SLC18A1: variants seen among roughly 807,000 people sequenced by gnomAD.
SLC18A1 encodes solute carrier family 18 member A1, also known as chromaffin granule amine transporter.
Under a neutral mutation model 53.7 loss-of-function variants are expected in SLC18A1, and 69 were observed. That is an observed-to-expected ratio of 1.28 (90% CI 1.06 to 1.57). The LOEUF is 1.57. Ranked by LOEUF, SLC18A1 falls within the 40% of genes most tolerant of loss-of-function variation. The pLI, the probability that SLC18A1 is intolerant of heterozygous loss-of-function variation, is 0.00. For missense variants in SLC18A1, 932 were observed against 668.1 expected (o/e 1.40, Z -4.35); for synonymous variants, 320 against 248.1 (o/e 1.29, Z -2.72).
chr8:20,150,753 G>A lies in SLC18A1; in HGVS notation c.1016-9C>T. 6.2e-7 allele frequency: 1 copy of A among 1,612,768 alleles called. No homozygotes were observed. Among genetic ancestry groups the A allele is most frequent in the Admixed American group, 1.7e-5 (1 of 60,016 alleles). On this transcript the variant is annotated splice_polypyrimidine_tract_variant and intron_variant, in intron 10 of 15. Transcript: ENST00000276373. ...AGGCAAGAAAGCTAGACCTGTGGAA[G>A]GACACAGATCCTTACCTTAGGACAT...
intron 4 of SLC18A1, 30 bp from the exon 5 acceptor site, chr8:20,174,474 A>G (rs2072207902): frequency 6.5e-7 from 1 of 1,548,436 alleles, no homozygotes; most frequent in Admixed American, 1.7e-5. Context: ...AGATAACTGC[A>G]GTTAGCAAAT....
At chr8:20,176,681 G>C (rs2072261399) in intron 4 of SLC18A1, among the ~76,000 whole-genome samples, 1 of 152,064 alleles carries the variant, frequency 6.6e-6, no homozygotes, top group Admixed American at 6.6e-5. Flanking sequence ...ATTGGACAAG[G>C]ATACCCTAAA....
Position 20,145,466 on chromosome 8 carries a change from C to A in SLC18A1, c.*297G>T. 1 of 239,344 alleles carries A rather than the reference C, an allele frequency of 4.2e-6. No individual in the cohort carries two copies. The highest frequency in any genetic ancestry group is 9.0e-5 in the East Asian group (1 of 11,076). The allele number at this position is 239,344 out of a possible 1,614,324, so 14.8% of individuals were successfully genotyped here. A position where few individuals can be genotyped will look rare whatever the true frequency, so the allele number is the denominator to read the frequency against. ...TCACTACCACCTCTATGCAATGAGT[C>A]ACCCCTTGCAGAACCCGTCACAGCT... On this transcript the variant is annotated 3_prime_UTR_variant, in exon 16 of 16. Transcript: ENST00000276373.
At chr8:20,147,163 G>A (rs921174449) in intron 15 of SLC18A1, 95 bp downstream of exon 15, 1 of 1,339,114 alleles carries the variant, frequency 7.5e-7, no homozygotes, top group South Asian at 1.5e-5. Context: ...CAGAGCAATA[G>A]AGGGAGGAAA....
chr8:20,162,341 C>T (rs1266282816), intron 10 of SLC18A1, among the ~76,000 whole-genome samples: 1 of 152,226 alleles, frequency 6.6e-6, no homozygotes, highest in East Asian at 1.9e-4. Context: ...ACACTAATCA[C>T]TTTAGGTTGC....
intron 15 of SLC18A1, 46 bp downstream of exon 15, chr8:20,147,212 A>G (rs1428457829): frequency 6.4e-7 from 1 of 1,558,642 alleles, no homozygotes; most frequent in Non-Finnish European, 8.6e-7. Flanking sequence ...GAGATGATGG[A>G]AAGAAACAGA....
At chr8:20,173,214 T>C in intron 5 of SLC18A1, 86 bp from the exon 6 acceptor site, 2 of 916,918 alleles carry the variant, frequency 2.2e-6, no homozygotes, top group South Asian at 3.1e-5. Flanking sequence ...TGTTATCTCT[T>C]CAGTGACAAT....
chr8:20,159,739 G>A (rs2071776385), intron 10 of SLC18A1, among the ~76,000 whole-genome samples: 1 of 151,838 alleles, frequency 6.6e-6, no homozygotes, highest in Admixed American at 6.6e-5. Flanking sequence ...CCAGTTGTGA[G>A]GTTTAAACAA....
chr8:20,171,362 T>G, intron 7 of SLC18A1, 43 bp downstream of exon 7: 1 of 1,544,840 alleles, frequency 6.5e-7, no homozygotes, highest in Non-Finnish European at 9.0e-7. Flanking sequence ...ATTCCCAACC[T>G]GACCTGGGCT....
intron 10 of SLC18A1, among the ~76,000 whole-genome samples, chr8:20,151,149 TTTTTTTTTG>T (rs1563725619): frequency 4.7e-5 from 3 of 63,312 alleles, no homozygotes; most frequent in African/African-American, 1.1e-4. Flanking sequence ...TTTTTTTTGT[TTTTTTTTTG>T]TTTGTTTGTT....
At chr8:20,146,739 T>C (rs1193080085) in intron 15 of SLC18A1, among the ~76,000 whole-genome samples, 4 of 151,110 alleles carry the variant, frequency 2.6e-5, no homozygotes, top group Admixed American at 6.6e-5. Flanking sequence ...CAGGAGAATC[T>C]CTTGAACCCG....
chr8:20,164,119 C>T (rs1290660924), intron 10 of SLC18A1, among the ~76,000 whole-genome samples: 1 of 152,168 alleles, frequency 6.6e-6, no homozygotes, highest in Admixed American at 6.5e-5. Flanking sequence ...TGAACTATAT[C>T]ATGTTCTTAT....
chr8:20,173,895 CTTTTTTTT>C (rs72376505), intron 5 of SLC18A1, among the ~76,000 whole-genome samples: 2 of 135,654 alleles, frequency 1.5e-5, no homozygotes, highest in Non-Finnish European at 3.1e-5. Flanking sequence ...TAATTCCTTT[CTTTTTTTT>C]TTTTTTTTTT....
chr8:20,179,057 T>G (rs1470244945), intron 3 of SLC18A1, 64 bp downstream of exon 3: 6 of 1,522,946 alleles, frequency 3.9e-6, no homozygotes, highest in Non-Finnish European at 5.3e-6. Context: ...CCAACCCCCT[T>G]TCTATACTTT....
At chr8:20,166,214 C>T (rs2071953142) in intron 8 of SLC18A1, among the ~76,000 whole-genome samples, 1 of 146,272 alleles carries the variant, frequency 6.8e-6, no homozygotes, top group Admixed American at 6.9e-5. Flanking sequence ...ACTACCTAAA[C>T]ATAGGAGATG....
chr8:20,159,634 C>CAAAAAAAAAAAAAA lies in SLC18A1; in HGVS notation c.1015+5221_1015+5234dup, dbSNP rs200123466. On this transcript the variant is annotated intron_variant, in intron 10 of 15. Transcript: ENST00000276373. ...TCACTCTATTAAATCTTGCAGCTGC[C>CAAAAAAAAAAAAAA]AAAAAAAAAAAAAAAAAAAAAAAAA... 1.2e-3 allele frequency among the ~76,000 whole-genome samples: 100 copies of CAAAAAAAAAAAAAA among 81,518 alleles called. 1 individual carries two copies. The highest frequency in any genetic ancestry group is 9.6e-3 in the Middle Eastern group (1 of 104). 53.5% of individuals were successfully genotyped at this position (81,518 alleles called of 152,430 possible). A position where few individuals can be genotyped will look rare whatever the true frequency, so the allele number is the denominator to read the frequency against.
At position 20,145,605 on chromosome 8, in the gene SLC18A1, A is replaced by AAGAGT. The variant is rs539528063; in HGVS notation, c.*153_*157dup. ...AAGAGCTACAAGTTACACAGGTGAG[A>AAGAGT]AGAGTATCAGGGACAGTGTCCATGG... On this transcript the variant is annotated 3_prime_UTR_variant, in exon 16 of 16. Coordinates refer to ENST00000276373, the MANE Select transcript of SLC18A1 (RefSeq NM_003053.4). The AAGAGT allele has an allele frequency of 2.2e-4, 107 of 482,102 alleles. 1 individual carries two copies. In the South Asian group the frequency reaches 4.1e-3, roughly 18 times the overall value. The allele number at this position is 482,102 out of a possible 1,614,324, so 29.9% of individuals were successfully genotyped here. A position where few individuals can be genotyped will look rare whatever the true frequency, so the allele number is the denominator to read the frequency against.
chr8:20,150,850 C>T (rs1455436672), intron 10 of SLC18A1, 106 bp from the exon 11 acceptor site: 1 of 1,005,588 alleles, frequency 9.9e-7, no homozygotes, highest in Non-Finnish European at 1.6e-6. Context: ...TCCAAGATCC[C>T]CAAACCACTT....
At chr8:20,156,616 C>A (rs912221895) in intron 10 of SLC18A1, among the ~76,000 whole-genome samples, 1 of 152,192 alleles carries the variant, frequency 6.6e-6, no homozygotes, top group African/African-American at 2.4e-5. Context: ...AAAGTACTTA[C>A]AAAACCAGTA....
Sources: allele counts gnomAD v4.1 joint callset (sites outside exome capture counted in the v4.1 genomes callset), GRCh38; gene constraint gnomAD v4.1.1; transcripts MANE v1.5; gene names NCBI Gene and HGNC (gene_info 2026-07-23, HGNC 2026-07-21).